Variants in PTPRD observed in about 807,000 individuals in gnomAD.
PTPRD encodes receptor-type tyrosine-protein phosphatase delta.
A neutral mutation model predicts 214.5 loss-of-function variants in PTPRD; 34 were observed. The ratio of observed to expected loss-of-function variants is 0.16; its 90% CI spans 0.12 to 0.21. PTPRD has a LOEUF of 0.21. PTPRD is among the 10% of genes least tolerant of loss of function. The pLI is 1.00. For synonymous variants in PTPRD, 1,128 were observed against 845.7 expected (o/e 1.33, Z -5.79); for missense variants, 2,545 against 2,398.7 (o/e 1.06, Z -1.27).
At chr9:8,646,004 A>T (rs1160669386) in intron 12 of PTPRD, among the ~76,000 whole-genome samples, 1 of 151,968 alleles carries the variant, frequency 6.6e-6, no homozygotes, top group African/African-American at 2.4e-5. Context: ...GTACCCAAAA[A>T]CAATGGCCAT....
chr9:9,223,516 A>G (rs1046683289), intron 9 of PTPRD, among the ~76,000 whole-genome samples: 1 of 152,022 alleles, frequency 6.6e-6, no homozygotes, highest in Non-Finnish European at 1.5e-5. Flanking sequence ...CAATTTTACC[A>G]TTGTAAAATA....
chr9:9,204,741 G>A (rs902716626), intron 9 of PTPRD, among the ~76,000 whole-genome samples: 1 of 152,144 alleles, frequency 6.6e-6, no homozygotes, highest in Non-Finnish European at 1.5e-5. Flanking sequence ...GTACAGCCTT[G>A]TAAAAATAGC....
At chr9:9,527,069 G>T (rs1283346867) in intron 8 of PTPRD, among the ~76,000 whole-genome samples, 2 of 152,120 alleles carry the variant, frequency 1.3e-5, no homozygotes, top group Non-Finnish European at 2.9e-5. Flanking sequence ...TATGGCTTGA[G>T]AGCTGATTTA....
chr9:9,135,426 A>C (rs1175425872), intron 10 of PTPRD, among the ~76,000 whole-genome samples: 1 of 152,186 alleles, frequency 6.6e-6, no homozygotes, highest in African/African-American at 2.4e-5. Context: ...ACAGAGTTTA[A>C]AGGATTGAAG....
intron 10 of PTPRD, among the ~76,000 whole-genome samples, chr9:9,082,510 C>G (rs1160756267): frequency 1.3e-5 from 2 of 151,930 alleles, no homozygotes; most frequent in African/African-American, 4.8e-5. Context: ...GGTGCCCTCT[C>G]TCACCACTCC....
intron 11 of PTPRD, among the ~76,000 whole-genome samples, chr9:8,994,880 C>G (rs770987999): frequency 1.3e-5 from 2 of 152,008 alleles, no homozygotes; most frequent in Non-Finnish European, 2.9e-5. Context: ...TACTTATATC[C>G]TACTGCTCAA....
chr9:10,522,719 T>C (rs200260028), intron 2 of PTPRD, among the ~76,000 whole-genome samples: 1 of 152,008 alleles, frequency 6.6e-6, no homozygotes, highest in East Asian at 1.9e-4. Context: ...TCAAGAATAA[T>C]TTCAGTTTTC....
intron 7 of PTPRD, among the ~76,000 whole-genome samples, chr9:9,607,598 C>A (rs1408235583): frequency 6.6e-6 from 1 of 152,028 alleles, no homozygotes; most frequent in African/African-American, 2.4e-5. Context: ...ATATCAGGAA[C>A]AATGTGAATT....
chr9:9,305,232 T>C (rs150849435), intron 9 of PTPRD, among the ~76,000 whole-genome samples: 2 of 152,084 alleles, frequency 1.3e-5, no homozygotes, highest in African/African-American at 4.8e-5. Flanking sequence ...GCAGTTTCAT[T>C]TTCTATTCTG....
Position 10,560,848 on chromosome 9 carries a change from T to C in PTPRD, c.-600+51550A>G, listed in dbSNP as rs1465859695. The stretch of plus-strand genomic sequence containing the variant: ...AGCAACAGGATGCTAGTGGCTACCA[T>C]ACTGTACAGCATAAATATAGAGCCT... On this transcript the variant is annotated intron_variant, in intron 2 of 45. Transcript: ENST00000381196. 5.3e-5 allele frequency among the ~76,000 whole-genome samples: 8 copies of C among 152,176 alleles called. 1 individual carries two copies. The highest frequency in any genetic ancestry group is 5.2e-4 in the Admixed American group (8 of 15,274).
intron 2 of PTPRD, among the ~76,000 whole-genome samples, chr9:10,444,600 A>G (rs73408136): frequency 0.01 from 1,542 of 151,960 alleles, 22 homozygotes; most frequent in African/African-American, 0.029. Flanking sequence ...CTACTATGAC[A>G]ATTATATGAA....
chr9:8,849,648 A>G (rs56751479), intron 11 of PTPRD, among the ~76,000 whole-genome samples: 3 of 152,312 alleles, frequency 2.0e-5, no homozygotes, highest in African/African-American at 7.2e-5. Context: ...GAGAAAGGAG[A>G]TTCCAGGAAC....
At chr9:10,200,386 G>A (rs929669147) in intron 3 of PTPRD, among the ~76,000 whole-genome samples, 22 of 152,232 alleles carry the variant, frequency 1.4e-4, no homozygotes, top group African/African-American at 5.3e-4. Flanking sequence ...ATGGAGGAGA[G>A]AAGGAAGATG....
chr9:9,183,558 C>T (rs1466171623), intron 9 of PTPRD, among the ~76,000 whole-genome samples, 195 bp from the exon 10 acceptor site: 1 of 151,798 alleles, frequency 6.6e-6, no homozygotes, highest in Non-Finnish European at 1.5e-5. Flanking sequence ...TGCCAAAAAC[C>T]AACATGGAAA....
chr9:8,710,889 T>G (rs548011937), intron 12 of PTPRD, among the ~76,000 whole-genome samples: 2 of 152,304 alleles, frequency 1.3e-5, no homozygotes, highest in East Asian at 3.9e-4. Flanking sequence ...GCCTTAAACT[T>G]TAGGCTGAAA....
At chr9:8,929,755 A>ATATGTGTATATATATGTG (rs1285445116) in intron 11 of PTPRD, among the ~76,000 whole-genome samples, 1 of 58,080 alleles carries the variant, frequency 1.7e-5, no homozygotes, top group Non-Finnish European at 3.5e-5. Flanking sequence ...GTATATATAT[A>ATATGTGTATATATATGTG]TGTATATATA....
intron 2 of PTPRD, among the ~76,000 whole-genome samples, chr9:10,477,847 G>A (rs999935590): frequency 1.6e-4 from 24 of 152,016 alleles, no homozygotes; most frequent in African/African-American, 5.8e-4. Context: ...GGATGAAGCT[G>A]GAAACCATCA....
intron 18 of PTPRD, among the ~76,000 whole-genome samples, chr9:8,524,354 G>A (rs1234742010): frequency 6.6e-6 from 1 of 152,152 alleles, no homozygotes. Context: ...GCACATATAT[G>A]AATACACATG....
intron 10 of PTPRD, among the ~76,000 whole-genome samples, chr9:9,151,083 T>C (rs1294526341): frequency 6.6e-6 from 1 of 152,198 alleles, no homozygotes; most frequent in Non-Finnish European, 1.5e-5. Flanking sequence ...CAAAGATAAT[T>C]ACCATATATT....
Sources: gnomAD v4.1 joint callset for allele counts (sites outside exome capture counted in the v4.1 genomes callset) on GRCh38, gnomAD v4.1.1 for gene constraint, MANE v1.5 for transcripts, NCBI Gene and HGNC (gene_info 2026-07-23, HGNC 2026-07-21) for gene names.